Variants in OPN3 observed in about 807,000 individuals in gnomAD.
OPN3 encodes the protein opsin-3.
A neutral mutation model predicts 33.8 loss-of-function variants in OPN3; 29 were observed. The observed-to-expected ratio is 0.86, with a 90% CI of 0.64 to 1.17. OPN3 has a LOEUF of 1.17. OPN3 is among the 50% of genes most tolerant of loss of function. The pLI, the probability that OPN3 is intolerant of heterozygous loss-of-function variation, is 0.00. For synonymous variants in OPN3, 216 were observed against 216.1 expected, an observed-to-expected ratio of 1.00 and a Z score of 0.00; for missense variants, 437 against 514.1, an observed-to-expected ratio of 0.85 and a Z score of 1.45.
intron 1 of OPN3, among the ~76,000 whole-genome samples, chr1:241,612,004 G>T (rs1351712620): frequency 1.3e-5 from 2 of 152,148 alleles, no homozygotes; most frequent in African/African-American, 2.4e-5. Context: ...ATCTTTGTTG[G>T]CTGTGGGAAT....
chr1:241,630,114 C>T (rs1189146256), intron 1 of OPN3: 1 of 152,050 alleles, frequency 6.6e-6, no homozygotes, highest in Non-Finnish European at 1.5e-5. Flanking sequence ...TTAATCCCCA[C>T]AATAATTCTG....
At chr1:241,623,785 C>T (rs1236801063) in intron 1 of OPN3, among the ~76,000 whole-genome samples, 2 of 152,186 alleles carry the variant, frequency 1.3e-5, no homozygotes, top group Non-Finnish European at 2.9e-5. Context: ...CTATCCAGGC[C>T]TTATCACATT....
chr1:241,634,489 A>G (rs372360469), intron 1 of OPN3: 194 of 1,613,716 alleles, frequency 1.2e-4, no homozygotes, highest in Non-Finnish European at 1.5e-4. Flanking sequence ...TTATTCTTTG[A>G]CCAAAGTGAT....
chr1:241,616,114 T>C (rs1398302679), intron 1 of OPN3, among the ~76,000 whole-genome samples: 1 of 152,206 alleles, frequency 6.6e-6, no homozygotes, highest in Non-Finnish European at 1.5e-5. Flanking sequence ...TGACCAATCG[T>C]GGCCAACTCG....
chr1:241,616,930 TC>T (rs1362886088), intron 1 of OPN3, among the ~76,000 whole-genome samples: 2 of 152,224 alleles, frequency 1.3e-5, no homozygotes, highest in African/African-American at 4.8e-5. Flanking sequence ...TATTAAAAAA[TC>T]TATAAAATAT....
chr1:241,606,587 AAAAT>A (rs1274997955), intron 1 of OPN3, among the ~76,000 whole-genome samples: 7 of 128,608 alleles, frequency 5.4e-5, no homozygotes, highest in African/African-American at 8.7e-5. Flanking sequence ...ATAAATAAAT[AAAAT>A]AAATAAAATA....
intron 2 of OPN3, among the ~76,000 whole-genome samples, chr1:241,602,755 C>T (rs2147999672): frequency 6.6e-6 from 1 of 152,294 alleles, no homozygotes; most frequent in Admixed American, 6.5e-5. Flanking sequence ...CTCATGACCT[C>T]CTCTGACCCT....
chr1:241,601,756 C>CA (rs1201402648), intron 2 of OPN3, among the ~76,000 whole-genome samples: 1 of 151,620 alleles, frequency 6.6e-6, no homozygotes, highest in Non-Finnish European at 1.5e-5. Context: ...CAAAACGAAA[C>CA]AAAAAAACAT....
chr1:241,605,889 T>G (rs1663817659), intron 1 of OPN3, among the ~76,000 whole-genome samples: 1 of 152,232 alleles, frequency 6.6e-6, no homozygotes, highest in African/African-American at 2.4e-5. Context: ...AGCTAACGTT[T>G]GTGTTATTTT....
At chr1:241,595,607 T>G (rs1211403826) in intron 3 of OPN3, 1 of 152,238 alleles carries the variant, frequency 6.6e-6, no homozygotes. Context: ...CTTTCTCAGA[T>G]TAGGAAATAC....
At chr1:241,594,831 G>T in intron 3 of OPN3, 140 bp from the exon 4 acceptor site, 2 of 864,034 alleles carry the variant, frequency 2.3e-6, no homozygotes, top group Non-Finnish European at 3.5e-6. Flanking sequence ...ATGTGGTCAT[G>T]CTCAGATCTA....
chr1:241,616,009 A>C (rs1334207768), intron 1 of OPN3: 9 of 455,964 alleles, frequency 2.0e-5, no homozygotes, highest in Non-Finnish European at 4.0e-5. Context: ...AAGAAGCCAG[A>C]GATTAGATTG....
Position 241,635,570 on chromosome 1 carries a change from T to C in OPN3, c.373+4312A>G, listed in dbSNP as rs373176318. On this transcript the variant is annotated intron_variant, in intron 1 of 3. Coordinates refer to ENST00000366554, the MANE Select transcript of OPN3 (RefSeq NM_014322.3). ...AACAGTACTTTCTTCCCCAATGTCA[T>C]TGTTTTGCTGATACTCCTTCAACCA... The C allele has an allele frequency of 1.4e-5, 23 of 1,613,990 alleles. No individual in the cohort carries two copies. Among genetic ancestry groups the C allele is most frequent in the Non-Finnish European group, 1.9e-5 (23 of 1,179,958 alleles).
rs950654447 is a variant in OPN3 at position 241,593,225 on chromosome 1, A to G, written c.*1203T>C. ...ACTTTTATAGAAATACAAAGCCATT[A>G]CTTTATTCAATTTCAGACCCTCAGA... On this transcript the variant is annotated 3_prime_UTR_variant, in exon 4 of 4. Transcript: ENST00000366554. The G allele has an allele frequency of 4.4e-5, 12 of 271,702 alleles. No homozygotes were observed. Among genetic ancestry groups the G allele is most frequent in the African/African-American group, 2.4e-4 (11 of 46,172 alleles). 16.8% of individuals were successfully genotyped at this position (271,702 alleles called of 1,614,324 possible).
At chr1:241,629,506 G>T (rs906658595) in intron 1 of OPN3, 5 of 152,002 alleles carry the variant, frequency 3.3e-5, no homozygotes, top group African/African-American at 1.2e-4. Context: ...AAACCCTTAT[G>T]GATATGCATA....
intron 1 of OPN3, among the ~76,000 whole-genome samples, chr1:241,616,788 T>C (rs1042215446): frequency 3.3e-5 from 5 of 152,108 alleles, no homozygotes; most frequent in African/African-American, 9.7e-5. Context: ...AATTTTTTTT[T>C]CCCTCAGGGA....
At position 241,640,186 on chromosome 1, in the gene OPN3, C is replaced by T; in HGVS notation, c.69G>A (p.Gly23=). ...WDGGGAAGAE[G]PAPAGTLSPA... ...GGCTCAGTGTCCCCGCCGGCGCCGG[C>T]CCCTCAGCGCCCGCGGCCCCGCCGC... The change falls in exon 1 of 4, where the codon GGG becomes GGA. Residue 23 remains glycine (G), a synonymous_variant. Transcript: ENST00000366554. 1.4e-6 allele frequency: 2 copies of T among 1,384,042 alleles called. No individual in the cohort carries two copies. The highest frequency in any genetic ancestry group is 6.0e-5 in the East Asian group (2 of 33,352). The allele number at this position is 1,384,042 out of a possible 1,614,324, so 85.7% of individuals were successfully genotyped here. A position where few individuals can be genotyped will look rare whatever the true frequency, so the allele number is the denominator to read the frequency against.
intron 1 of OPN3, among the ~76,000 whole-genome samples, chr1:241,624,501 C>T (rs1252371897): frequency 6.6e-6 from 1 of 152,220 alleles, no homozygotes; most frequent in African/African-American, 2.4e-5. Flanking sequence ...CAGGACTACT[C>T]TGTTTATATA....
intron 1 of OPN3, among the ~76,000 whole-genome samples, chr1:241,606,596 A>T (rs939549559): frequency 6.6e-6 from 1 of 151,460 alleles, no homozygotes; most frequent in African/African-American, 2.4e-5. Flanking sequence ...TAAAATAAAT[A>T]AAATAACTTG....
Sources: gnomAD v4.1 joint callset for allele counts (sites outside exome capture counted in the v4.1 genomes callset) on GRCh38, gnomAD v4.1.1 for gene constraint, MANE v1.5 for transcripts, NCBI Gene and HGNC (gene_info 2026-07-23, HGNC 2026-07-21) for gene names.